TMEM131L: variants seen among roughly 807,000 people sequenced by gnomAD.
The protein encoded by TMEM131L is transmembrane protein 131-like.
A neutral mutation model predicts 192.2 loss-of-function variants in TMEM131L; 54 were observed. That is an observed-to-expected ratio of 0.28 (90% CI 0.23 to 0.35). The LOEUF (loss-of-function observed/expected upper bound fraction) is 0.35, where lower values mean the gene tolerates loss of function less well. TMEM131L is among the 10% of genes least tolerant of loss of function. The pLI, the probability that TMEM131L is intolerant of heterozygous loss-of-function variation, is 1.00. For synonymous variants in TMEM131L, 701 were observed against 704.9 expected (o/e 0.99, Z 0.09); for missense variants, 1,888 against 1,972.9 (o/e 0.96, Z 0.82).
chr4:153,633,247 TGCTCTGTCGCCCAG>T (rs1455912032), intron 32 of TMEM131L: 2 of 167,790 alleles, frequency 1.2e-5, no homozygotes, highest in African/African-American at 4.8e-5. Flanking sequence ...GACAGAGTCT[TGCTCTGTCGCCCAG>T]GCTGGAGCGC....
intron 3 of TMEM131L, among the ~76,000 whole-genome samples, chr4:153,489,033 A>G (rs1184900911): frequency 6.6e-6 from 1 of 152,044 alleles, no homozygotes; most frequent in Non-Finnish European, 1.5e-5. Flanking sequence ...ATCTGCACCA[A>G]CCCTGTTTCC....
At chr4:153,541,015 A>G (rs1224898260) in intron 3 of TMEM131L, among the ~76,000 whole-genome samples, 1 of 152,164 alleles carries the variant, frequency 6.6e-6, no homozygotes, top group Admixed American at 6.5e-5. Flanking sequence ...GTAATGCAAA[A>G]TGTATTTTGT....
rs1354184094 is a variant in TMEM131L at position 153,555,389 on chromosome 4, A to G, written c.309-398A>G. ...CGAATGAATATTTCAGTGAATTTTC[A>G]TTCATACTTTCATTGAATTATTCAA... On this transcript the variant is annotated intron_variant, in intron 4 of 34. Coordinates refer to ENST00000409959, the MANE Select transcript of TMEM131L (RefSeq NM_001131007.2). The surrounding 1 kb of genome is among the most constrained non-coding windows in gnomAD (Gnocchi z 4.1). Among the ~76,000 whole-genome samples the G allele has an allele frequency of 6.6e-6, 1 of 152,188 alleles. No homozygotes were observed. The highest frequency in any genetic ancestry group is 1.5e-5 in the Non-Finnish European group (1 of 68,018).
chr4:153,468,024 G>A lies in TMEM131L; in HGVS notation c.195+743G>A, dbSNP rs564287425. 5.3e-5 allele frequency among the ~76,000 whole-genome samples: 8 copies of A among 152,238 alleles called. No individual in the cohort carries two copies. The East Asian group carries it at 1.5e-3, about 29-fold the overall frequency. ...TAGTGATCCAAAATGCATTTTTTGGGTGGGAGTGGCTTGAATTATAAGGAA... is the reference window on the plus strand; with the variant it reads ...TAGTGATCCAAAATGCATTTTTTGGATGGGAGTGGCTTGAATTATAAGGAA... On this transcript the variant is annotated intron_variant, in intron 2 of 34. Transcript: ENST00000409959.
chr4:153,601,830 G>A (rs1731858710), intron 21 of TMEM131L: 1 of 171,512 alleles, frequency 5.8e-6, no homozygotes, highest in African/African-American at 2.4e-5. Flanking sequence ...TTTGACTTTT[G>A]AGAAGAACCA....
At chr4:153,632,067 A>T (rs1232021660) in intron 31 of TMEM131L, among the ~76,000 whole-genome samples, 1 of 152,168 alleles carries the variant, frequency 6.6e-6, no homozygotes, top group Non-Finnish European at 1.5e-5. Context: ...TAATCCCAAC[A>T]CTTTGGGAGG....
Position 153,497,462 on chromosome 4 carries a change from T to G in TMEM131L, c.239+23574T>G, listed in dbSNP as rs984746672. Among the ~76,000 whole-genome samples, 4 of 152,188 alleles carry G rather than the reference T, an allele frequency of 2.6e-5. No individual in the cohort carries two copies. In the South Asian group the frequency reaches 8.3e-4, roughly 32 times the overall value. ...CGGTTTTAAGCACCCTCCCCTGGCC[T>G]CTGAGATAAGCCTCTCAGGAACCTG... On this transcript the variant is annotated intron_variant, in intron 3 of 34. Coordinates refer to ENST00000409959, the MANE Select transcript of TMEM131L (RefSeq NM_001131007.2).
intron 7 of TMEM131L, among the ~76,000 whole-genome samples, chr4:153,576,926 G>A (rs1729988933): frequency 6.6e-6 from 1 of 152,148 alleles, no homozygotes; most frequent in African/African-American, 2.4e-5. Context: ...TTTATTGAGT[G>A]CTGATGAAGT....
chr4:153,527,233 A>C (rs1289758970), intron 3 of TMEM131L, among the ~76,000 whole-genome samples: 1 of 151,946 alleles, frequency 6.6e-6, no homozygotes, highest in Non-Finnish European at 1.5e-5. Context: ...TTTTCATCGT[A>C]ATTATCATTT....
Position 153,635,459 on chromosome 4 carries a change from C to G in TMEM131L, c.4445C>G (p.Pro1482Arg), listed in dbSNP as rs1408320019. The G allele has an allele frequency of 3.1e-6, 5 of 1,613,846 alleles. No homozygotes were observed. The African/African-American group carries it at 6.7e-5, about 22-fold the overall frequency. The change falls in exon 34 of 35, where the codon CCC (proline) becomes CGC (arginine). Residue 1482 changes from proline to arginine, a missense_variant. Coordinates refer to ENST00000409959, the MANE Select transcript of TMEM131L (RefSeq NM_001131007.2). ...AACATGAACTATGCCAATGGCTTCC[C>G]CTGTCCTGCAGATGTTCAGACAGAC... ...EENMNYANGF[P>R]CPADVQTDFI...
intron 26 of TMEM131L, among the ~76,000 whole-genome samples, chr4:153,617,184 G>A (rs1448556223): frequency 1.3e-5 from 2 of 152,144 alleles, no homozygotes; most frequent in African/African-American, 4.8e-5. Flanking sequence ...AAAAATGGGA[G>A]TTTCCCTGCA....
At chr4:153,525,504 TA>T (rs1184888344) in intron 3 of TMEM131L, among the ~76,000 whole-genome samples, 1 of 152,074 alleles carries the variant, frequency 6.6e-6, no homozygotes, top group African/African-American at 2.4e-5. Flanking sequence ...CACACCTGGC[TA>T]ATTTTTGTAT....
At chr4:153,554,599 T>TG (rs771698841) in intron 4 of TMEM131L, among the ~76,000 whole-genome samples, 2 of 152,266 alleles carry the variant, frequency 1.3e-5, no homozygotes, top group Non-Finnish European at 2.9e-5. Flanking sequence ...TCATTCATTA[T>TG]GCTGATATTT....
Position 153,558,366 on chromosome 4 carries a change from C to G in TMEM131L, c.658C>G (p.Gln220Glu), listed in dbSNP as rs756849146. 2 of 1,580,786 alleles carry G rather than the reference C, an allele frequency of 1.3e-6. No homozygotes were observed. Among genetic ancestry groups the G allele is most frequent in the South Asian group, 2.3e-5 (2 of 88,494 alleles). ...CCAGAGCATTCAGCTGTCTCAAATG[C>G]AGGTCATTTTAATAGATTTACTTTG... ...KVQSIQLSQM[Q>E]AETTNTSLLQ... Residue 220 changes from glutamine (Q) to glutamate (E), a missense_variant and splice_region_variant, in exon 7 of 35, where the codon CAG (glutamine) becomes GAG (glutamate). Gln to Glu is a conservative substitution (Grantham distance 29). Coordinates refer to ENST00000409959, the MANE Select transcript of TMEM131L (RefSeq NM_001131007.2).
At chr4:153,612,476 C>T in intron 26 of TMEM131L, 76 bp downstream of exon 26, 1 of 1,123,940 alleles carries the variant, frequency 8.9e-7, no homozygotes, top group South Asian at 1.6e-5. Context: ...ATGTGTATTT[C>T]ATATGTTTCA....
chr4:153,629,441 A>G (rs1343587310), intron 31 of TMEM131L, among the ~76,000 whole-genome samples: 16 of 152,050 alleles, frequency 1.1e-4, no homozygotes, highest in Non-Finnish European at 2.9e-5. Flanking sequence ...TTTTTCTCTA[A>G]TGGGTCATTC....
rs117078672 is a variant in TMEM131L at position 153,514,873 on chromosome 4, C to T, written c.240-35200C>T. Among the ~76,000 whole-genome samples, 74 of 151,640 alleles carry T rather than the reference C, an allele frequency of 4.9e-4. 1 individual carries two copies. The East Asian group carries it at 0.014, about 29-fold the overall frequency. On this transcript the variant is annotated intron_variant, in intron 3 of 34. Coordinates refer to ENST00000409959, the MANE Select transcript of TMEM131L (RefSeq NM_001131007.2). ...TGTCCCCCAGGCTGGAGTGTGGTGA[C>T]GCAATCGTGGCTCACTGCAACTTCC...
At chr4:153,509,333 C>G (rs377472831) in intron 3 of TMEM131L, among the ~76,000 whole-genome samples, 1 of 151,202 alleles carries the variant, frequency 6.6e-6, no homozygotes, top group African/African-American at 2.4e-5. Flanking sequence ...CCACCGCACT[C>G]TAACCTGGGT....
intron 3 of TMEM131L, among the ~76,000 whole-genome samples, chr4:153,495,151 C>T (rs1265609592): frequency 6.6e-6 from 1 of 152,090 alleles, no homozygotes; most frequent in Non-Finnish European, 1.5e-5. Context: ...CCCATCTCTA[C>T]TAAAAATACA....
Sources: allele counts gnomAD v4.1 joint callset (sites outside exome capture counted in the v4.1 genomes callset), GRCh38; gene constraint gnomAD v4.1.1; non-coding constraint Gnocchi (gnomAD v3.1); transcripts MANE v1.5; gene names NCBI Gene and HGNC (gene_info 2026-07-23, HGNC 2026-07-21).